The following IRAG2 variants were observed in gnomAD, a reference collection of about 807,000 sequenced individuals.
The protein encoded by IRAG2 is inositol 1,4,5-triphosphate receptor associated 2, also known as lymphoid restricted membrane protein.
A neutral mutation model predicts 69.9 loss-of-function variants in IRAG2; 45 were observed. That is an observed-to-expected ratio of 0.64 (90% CI 0.51 to 0.83). IRAG2 has a LOEUF of 0.83. IRAG2 is among the 40% of genes least tolerant of loss of function. The pLI, the probability that IRAG2 is intolerant of heterozygous loss-of-function variation, is 0.00. For synonymous variants in IRAG2, 193 were observed against 202.4 expected (o/e 0.95, Z 0.40); for missense variants, 520 against 587.0 (o/e 0.89, Z 1.18).
chr12:25,072,312 T>C (rs1033616684), intron 6 of IRAG2, among the ~76,000 whole-genome samples: 1 of 152,118 alleles, frequency 6.6e-6, no homozygotes, highest in African/African-American at 2.4e-5. Context: ...GATTTTCTTG[T>C]GTCTTCTGTA....
chr12:25,017,928 A>G (rs540063836), intron 6 of IRAG2, among the ~76,000 whole-genome samples: 55 of 152,252 alleles, frequency 3.6e-4, no homozygotes, highest in African/African-American at 1.2e-3. Flanking sequence ...TTACATATAA[A>G]TGGAATCATA....
chr12:24,998,521 A>G, the IRAG2 span, among the ~76,000 whole-genome samples: 2 of 152,184 alleles, frequency 1.3e-5, no homozygotes, highest in African/African-American at 4.8e-5. Context: ...TTAAGCAGAA[A>G]ACCATGCTCT....
intron 8 of IRAG2, among the ~76,000 whole-genome samples, chr12:25,026,204 C>G (rs1944620341): frequency 6.6e-6 from 1 of 152,098 alleles, no homozygotes; most frequent in African/African-American, 2.4e-5. Context: ...TATAAATATA[C>G]CAGGATGATA....
At chr12:25,018,209 T>TTA in intron 6 of IRAG2, among the ~76,000 whole-genome samples, 1 of 147,530 alleles carries the variant, frequency 6.8e-6, no homozygotes, top group Middle Eastern at 3.5e-3. Flanking sequence ...TTTTTTTTTT[T>TTA]TTTTGGAGAC....
chr12:25,075,217 C>T (rs1459037345), intron 6 of IRAG2, among the ~76,000 whole-genome samples: 6 of 152,168 alleles, frequency 3.9e-5, no homozygotes, highest in African/African-American at 1.2e-4. Context: ...TTTAAACAGA[C>T]GCTGAGTCAA....
chr12:25,064,977 C>T (rs995848523), intron 4 of IRAG2, among the ~76,000 whole-genome samples: 3 of 152,080 alleles, frequency 2.0e-5, no homozygotes, highest in African/African-American at 7.2e-5. Flanking sequence ...GTAGTCCCAG[C>T]TACTCAGGAG....
chr12:25,106,117 T>G (rs1480605095), intron 20 of IRAG2, among the ~76,000 whole-genome samples: 1 of 152,004 alleles, frequency 6.6e-6, no homozygotes, highest in Non-Finnish European at 1.5e-5. Flanking sequence ...TTTAAATTAT[T>G]AAGATTTTCA....
At chr12:25,053,719 T>C (rs1945018661) in intron 1 of IRAG2, among the ~76,000 whole-genome samples, 2 of 147,112 alleles carry the variant, frequency 1.4e-5, no homozygotes, top group Admixed American at 1.3e-4. Flanking sequence ...TCTAGCAGTA[T>C]AAATATTCTT....
At chr12:25,004,736 C>A (rs902092494) in exon 1 of IRAG2, 39 of 1,232,018 alleles carry the variant, frequency 3.2e-5, no homozygotes, top group Non-Finnish European at 3.8e-5. Flanking sequence ...AAGAATTATA[C>A]ATCTTTGATG....
At position 25,035,553 on chromosome 12, in the gene IRAG2, G is replaced by A. The variant is rs1249995835; in HGVS notation, c.1744-100G>A. 4 of 396,970 alleles carry A rather than the reference G, an allele frequency of 1.0e-5. No homozygotes were observed. The East Asian group carries it at 1.4e-4, about 14-fold the overall frequency. 24.6% of individuals were successfully genotyped at this position (396,970 alleles called of 1,614,324 possible). A position where few individuals can be genotyped will look rare whatever the true frequency, so the allele number is the denominator to read the frequency against. On this transcript the variant is annotated intron_variant, in intron 13 of 38. Coordinates refer to the IRAG2 transcript ENST00000636465. ...AAGACTATTGAGAACCAAATGACAA[G>A]GACAATGACATTAACTCATGAGCAT...
At chr12:25,067,104 C>T (rs1430391664) in intron 5 of IRAG2, among the ~76,000 whole-genome samples, 1 of 152,130 alleles carries the variant, frequency 6.6e-6, no homozygotes, top group Non-Finnish European at 1.5e-5. Flanking sequence ...CCGTAGACTG[C>T]TAAGTTAACA....
upstream of IRAG2, chr12:25,004,319 G>A (rs1944414588): frequency 1.1e-5 from 14 of 1,230,282 alleles, no homozygotes; most frequent in Non-Finnish European, 1.3e-5. Flanking sequence ...CACTTCATCT[G>A]TATACTAGGA....
At chr12:25,065,951 T>A (rs1945953765) in intron 4 of IRAG2, among the ~76,000 whole-genome samples, 1 of 152,174 alleles carries the variant, frequency 6.6e-6, no homozygotes, top group Admixed American at 6.5e-5. Context: ...ATTACAGGCG[T>A]GAGCCACCAC....
intron 21 of IRAG2, 127 bp from the exon 22 acceptor site, chr12:25,107,690 A>C: frequency 1.2e-6 from 1 of 802,334 alleles, no homozygotes; most frequent in Non-Finnish European, 2.0e-6. Flanking sequence ...GATAAATCAT[A>C]ATATGTAGAT....
At chr12:25,058,392 T>A (rs891766907) in intron 1 of IRAG2, among the ~76,000 whole-genome samples, 1 of 152,238 alleles carries the variant, frequency 6.6e-6, no homozygotes, top group Admixed American at 6.5e-5. Flanking sequence ...CTTTGTGAAG[T>A]GTCTAAGTCT....
intron 10 of IRAG2, among the ~76,000 whole-genome samples, chr12:25,084,843 C>T (rs1330363274): frequency 6.6e-6 from 1 of 152,182 alleles, no homozygotes; most frequent in African/African-American, 2.4e-5. Context: ...TCAGAGAATG[C>T]TCAAGTCTCT....
intron 6 of IRAG2, chr12:25,017,378 C>T: frequency 9.1e-7 from 1 of 1,100,246 alleles, no homozygotes; most frequent in Non-Finnish European, 1.2e-6. Flanking sequence ...GAGAGTCACA[C>T]AGCATAAAAT....
At chr12:25,093,773 T>C (rs901783948) in intron 14 of IRAG2, 1 of 155,026 alleles carries the variant, frequency 6.5e-6, no homozygotes, top group Non-Finnish European at 1.5e-5. Flanking sequence ...ATTAGGAAAA[T>C]CAAACACATT....
At chr12:25,009,415 C>T (rs1353284424) in intron 2 of IRAG2, among the ~76,000 whole-genome samples, 4 of 152,152 alleles carry the variant, frequency 2.6e-5, no homozygotes, top group African/African-American at 9.7e-5. Context: ...ATGAGTGGGG[C>T]TTATTTGTTC....
Sources: allele counts gnomAD v4.1 joint callset (sites outside exome capture counted in the v4.1 genomes callset), GRCh38; gene constraint gnomAD v4.1.1; transcripts MANE v1.5; gene names NCBI Gene and HGNC (gene_info 2026-07-23, HGNC 2026-07-21).